Variants in CEP72 observed in about 807,000 individuals in gnomAD.
CEP72 encodes centrosomal protein of 72 kDa.
CEP72 carries 78 observed loss-of-function variants against 65.7 expected under a neutral mutation model. The observed-to-expected ratio is 1.19, with a 90% CI of 0.99 to 1.43. The LOEUF is 1.43. CEP72 is among the 40% of genes most tolerant of loss of function. CEP72 has a pLI of 0.00. For synonymous variants in CEP72, 358 were observed against 351.7 expected, an observed-to-expected ratio of 1.02 and a Z score of -0.20; for missense variants, 914 against 832.9, an observed-to-expected ratio of 1.10 and a Z score of -1.20.
intron 9 of CEP72, chr5:641,869 T>A (rs1738059500): frequency 1.0e-6 from 1 of 972,840 alleles, no homozygotes; most frequent in Non-Finnish European, 1.2e-6. Context: ...TCCAGAAGCC[T>A]GTGCATTTAA....
intron 10 of CEP72, among the ~76,000 whole-genome samples, chr5:644,927 G>A (rs960483764): frequency 8.6e-5 from 13 of 151,832 alleles, no homozygotes; most frequent in Non-Finnish European, 1.9e-4. Context: ...CACTTTTTTT[G>A]TTCTGTTTTG....
At chr5:648,235 T>TG (rs1738555066) in intron 11 of CEP72, among the ~76,000 whole-genome samples, 1 of 148,676 alleles carries the variant, frequency 6.7e-6, no homozygotes, top group African/African-American at 2.5e-5. Flanking sequence ...TATGTGACCA[T>TG]GGGGTGTGGG....
At chr5:671,627 G>GT (rs1244573795), downstream of CEP72, among the ~76,000 whole-genome samples, 1 of 152,186 alleles carries the variant, frequency 6.6e-6, no homozygotes, top group Non-Finnish European at 1.5e-5. Flanking sequence ...GGCCTGCAGG[G>GT]TACAGGAGCC....
At chr5:636,578 A>T (rs1737614689) in intron 6 of CEP72, among the ~76,000 whole-genome samples, 1 of 152,216 alleles carries the variant, frequency 6.6e-6, no homozygotes, top group Non-Finnish European at 1.5e-5. Flanking sequence ...TGGGAGGCCG[A>T]GGCAGGCGGA....
At chr5:640,310 G>C in intron 8 of CEP72, 98 bp from the exon 9 acceptor site, 3 of 1,515,388 alleles carry the variant, frequency 2.0e-6, no homozygotes, top group Non-Finnish European at 2.7e-6. Context: ...GTCTTTTTGA[G>C]GCATCGTCTG....
chr5:628,032 A>T (rs1736866604), intron 4 of CEP72, among the ~76,000 whole-genome samples: 1 of 152,222 alleles, frequency 6.6e-6, no homozygotes, highest in African/African-American at 2.4e-5. Flanking sequence ...ACTGCACGTA[A>T]GATTACTCTT....
chr5:666,260 C>G (rs1474349025), intron 4 of CEP72: 3 of 938,116 alleles, frequency 3.2e-6, no homozygotes, highest in Non-Finnish European at 4.7e-6. Flanking sequence ...GCCCTGGTAG[C>G]ACTGCAAATC....
intron 11 of CEP72, among the ~76,000 whole-genome samples, chr5:651,491 C>T (rs888386360): frequency 3.3e-5 from 5 of 151,946 alleles, no homozygotes; most frequent in Admixed American, 3.3e-4. Context: ...ACCTGGTTCC[C>T]CTGGGCGGTA....
intron 11 of CEP72, among the ~76,000 whole-genome samples, chr5:648,852 G>T (rs1738658015): frequency 6.0e-5 from 2 of 33,574 alleles, no homozygotes; most frequent in South Asian, 1.2e-3. Context: ...TGTGGACTGT[G>T]AGGTGTGACT....
chr5:643,100 G>T, intron 9 of CEP72: 1 of 977,524 alleles, frequency 1.0e-6, no homozygotes, highest in Non-Finnish European at 1.2e-6. Flanking sequence ...TGTCATCCCA[G>T]CTATTTTGGG....
In CEP72 at chr5:640,581, C is replaced by G; in HGVS notation, c.1516C>G (p.Leu506Val). The change falls in exon 9 of 12, where the codon CTG (leucine) becomes GTG (valine). Residue 506 changes from leucine (L) to valine (V), a missense_variant. Coordinates refer to ENST00000264935, the MANE Select transcript of CEP72 (RefSeq NM_018140.4). ...GGAGATGAGCGAGGTGACGGCGGAG[C>G]TGCACCACACACACAAGGAGCTGGT... ...AREMSEVTAE[L>V]HHTHKELDDL... is the part of the protein sequence containing the mutation. 1 of 1,613,128 alleles carries G rather than the reference C, an allele frequency of 6.2e-7. No individual in the cohort carries two copies. Among genetic ancestry groups the G allele is most frequent in the Non-Finnish European group, 8.5e-7 (1 of 1,179,894 alleles).
chr5:633,949 T>A lies in CEP72; in HGVS notation c.691+2T>A. The A allele has an allele frequency of 6.8e-6, 11 of 1,610,746 alleles. No individual in the cohort carries two copies. The highest frequency in any genetic ancestry group is 9.3e-6 in the Non-Finnish European group (11 of 1,179,790). ...AGGCCGACTCTCGTGGTTCCCAAGG[T>A]GCGCTGCTCATCTGCCAGGAGGCCA... On this transcript the variant is annotated splice_donor_variant, in intron 5 of 11. Coordinates refer to ENST00000264935, the MANE Select transcript of CEP72 (RefSeq NM_018140.4). LOFTEE classifies it high-confidence loss of function.
At chr5:667,848 G>C (rs550715991), downstream of CEP72, among the ~76,000 whole-genome samples, 2 of 134,126 alleles carry the variant, frequency 1.5e-5, no homozygotes, top group African/African-American at 5.7e-5. Context: ...AGGGGTCCGC[G>C]TGGGCGCCGT....
chr5:673,659 C>A, the CEP72 span, among the ~76,000 whole-genome samples: 34 of 152,224 alleles, frequency 2.2e-4, no homozygotes, highest in Non-Finnish European at 4.6e-4. Flanking sequence ...CTCCCCCAGA[C>A]CTTGACCCTC....
At chr5:615,130 TCC>T (rs1735909282) in intron 1 of CEP72, among the ~76,000 whole-genome samples, 1 of 121,804 alleles carries the variant, frequency 8.2e-6, no homozygotes, top group Non-Finnish European at 1.8e-5. Flanking sequence ...TATGTAGTCT[TCC>T]TCTTTTTTTT....
chr5:633,773 C>T lies in CEP72; in HGVS notation c.517C>T (p.His173Tyr), dbSNP rs772464676. ...TGAGTTTGCTTTTCCTTACAGACCA[C>T]ACCACCCCAGAGCCAAGTGCACCGA... ...VPASLKEGRP[H>Y]HPRAKCTEAL... The change falls in exon 5 of 12, where the codon CAC becomes TAC. Residue 173 changes from histidine (H) to tyrosine (Y), a missense_variant. Transcript: ENST00000264935. The T allele has an allele frequency of 5.6e-6, 9 of 1,614,002 alleles. No individual in the cohort carries two copies. Among genetic ancestry groups the T allele is most frequent in the African/African-American group, 1.3e-5 (1 of 75,058 alleles).
intron 3 of CEP72, 141 bp downstream of exon 3, chr5:620,402 T>G (rs895787447): frequency 1.4e-6 from 1 of 714,634 alleles, no homozygotes; most frequent in Admixed American, 2.6e-5. Flanking sequence ...CGCTGGTGGC[T>G]TGAGTTCCTG....
intron 6 of CEP72, 81 bp from the exon 7 acceptor site, chr5:637,436 A>C: frequency 7.8e-7 from 1 of 1,274,604 alleles, no homozygotes; most frequent in Admixed American, 2.0e-5. Flanking sequence ...GGGCACACAC[A>C]TGCCTTTTAA....
intron 11 of CEP72, among the ~76,000 whole-genome samples, chr5:652,441 G>A (rs933332392): frequency 2.6e-5 from 4 of 152,200 alleles, no homozygotes; most frequent in African/African-American, 4.8e-5. Flanking sequence ...TCAGGTCATC[G>A]CTGACTGGGT....
Sources: gnomAD v4.1 joint callset for allele counts (sites outside exome capture counted in the v4.1 genomes callset) on GRCh38, gnomAD v4.1.1 for gene constraint, MANE v1.5 for transcripts, NCBI Gene and HGNC (gene_info 2026-07-23, HGNC 2026-07-21) for gene names.